TAB2: variants seen among roughly 807,000 people sequenced by gnomAD.
TAB2 encodes TGF-beta-activated kinase 1 and MAP3K7-binding protein 2.
Under a neutral mutation model 65.0 loss-of-function variants are expected in TAB2, and 3 were observed. The observed-to-expected ratio is 0.05, with a 90% CI of 0.02 to 0.12. The LOEUF is 0.12. Ranked by LOEUF, TAB2 falls within the 10% of genes least tolerant of loss-of-function variation. TAB2 has a pLI of 1.00. For synonymous variants in TAB2, 298 were observed against 285.1 expected, an observed-to-expected ratio of 1.05 and a Z score of -0.46; for missense variants, 623 against 840.3, an observed-to-expected ratio of 0.74 and a Z score of 3.20.
intron 1 of TAB2, among the ~76,000 whole-genome samples, chr6:149,330,786 G>A (rs1779758745): frequency 6.6e-6 from 1 of 152,074 alleles, no homozygotes; most frequent in African/African-American, 2.4e-5. Context: ...CTTTGATGAA[G>A]TTCATTTTGT....
At chr6:149,236,875 A>G (rs556499614) in intron 1 of TAB2, among the ~76,000 whole-genome samples, 3 of 152,340 alleles carry the variant, frequency 2.0e-5, no homozygotes, top group African/African-American at 7.2e-5. Flanking sequence ...GAGACCAGTC[A>G]GCCAGAAGCA....
intron 1 of TAB2, among the ~76,000 whole-genome samples, chr6:149,319,676 T>C (rs1309355868): frequency 6.6e-6 from 1 of 152,242 alleles, no homozygotes; most frequent in Non-Finnish European, 1.5e-5. Flanking sequence ...GGTGCTTAAG[T>C]TTTAAATCTT....
At chr6:149,399,316 G>A in intron 6 of TAB2, 132 bp downstream of exon 6, 1 of 700,034 alleles carries the variant, frequency 1.4e-6, no homozygotes. Flanking sequence ...TCATTAAGAA[G>A]ATGTTTGCTT....
chr6:149,275,264 G>C (rs1300712433), intron 1 of TAB2, among the ~76,000 whole-genome samples: 1 of 146,128 alleles, frequency 6.8e-6, no homozygotes, highest in Non-Finnish European at 1.5e-5. Context: ...AAGAAAGAAA[G>C]AAAGAAAGAA....
intron 1 of TAB2, among the ~76,000 whole-genome samples, chr6:149,369,278 T>C (rs1361497660): frequency 6.6e-6 from 1 of 152,148 alleles, no homozygotes; most frequent in Non-Finnish European, 1.5e-5. Flanking sequence ...CTTGGGATCT[T>C]TTAAAACTCC....
rs563902117 is a variant in TAB2 at position 149,384,071 on chromosome 6, G to A, written c.1603+4553G>A. ...CTTTTCTAAACTCTGAGTGGTATGG[G>A]TAAGAAAAAGAAAAGAAATATCTCG... On this transcript the variant is annotated intron_variant, in intron 3 of 6. Coordinates refer to ENST00000637181, the MANE Select transcript of TAB2 (RefSeq NM_001292034.3). Among the ~76,000 whole-genome samples the A allele has an allele frequency of 2.6e-5, 4 of 152,204 alleles. No homozygotes were observed. In the East Asian group the frequency reaches 7.7e-4, roughly 29 times the overall value.
chr6:149,384,165 G>A (rs1372953690), intron 3 of TAB2, among the ~76,000 whole-genome samples: 1 of 152,150 alleles, frequency 6.6e-6, no homozygotes, highest in African/African-American at 2.4e-5. Flanking sequence ...AAAATAAGTG[G>A]AGCCAGGCAC....
intron 2 of TAB2, among the ~76,000 whole-genome samples, chr6:149,374,266 G>A (rs1476047674): frequency 1.3e-5 from 2 of 152,174 alleles, no homozygotes; most frequent in African/African-American, 4.8e-5. Context: ...ACCCAGGCTG[G>A]AATGCAGCAG....
intron 3 of TAB2, among the ~76,000 whole-genome samples, chr6:149,394,854 G>C (rs1338472837): frequency 6.6e-6 from 1 of 152,242 alleles, no homozygotes; most frequent in Non-Finnish European, 1.5e-5. Flanking sequence ...TAGAGGGCCA[G>C]ATAGTAATCA....
At position 149,348,497 on chromosome 6, in the gene TAB2, G is replaced by A. The variant is rs577360412; in HGVS notation, c.-89-21412G>A. On this transcript the variant is annotated intron_variant, in intron 1 of 6. Coordinates refer to ENST00000637181, the MANE Select transcript of TAB2 (RefSeq NM_001292034.3). ...AATAGATAGGTCGAAACGTTCTGCC[G>A]TCCTATTTGGCATCCTGGAGAGGTT... is the stretch of plus-strand genomic sequence containing the variant. Among the ~76,000 whole-genome samples the A allele has an allele frequency of 2.6e-4, 40 of 151,988 alleles. 1 individual carries two copies. In the South Asian group the frequency reaches 7.3e-3, roughly 28 times the overall value.
At chr6:149,334,387 T>C (rs66672129) in intron 1 of TAB2, among the ~76,000 whole-genome samples, 35,948 of 152,144 alleles carry the variant, frequency 0.24, 4,450 homozygotes, top group Non-Finnish European at 0.26. Context: ...CACTGTGAAA[T>C]ACAGTTTAGA....
chr6:149,364,888 T>C (rs1780989949), intron 1 of TAB2, among the ~76,000 whole-genome samples: 1 of 151,818 alleles, frequency 6.6e-6, no homozygotes, highest in South Asian at 2.1e-4. Context: ...TAACTTGCAG[T>C]CTGAGTGAGC....
chr6:149,308,190 C>G (rs496157), intron 1 of TAB2, among the ~76,000 whole-genome samples: 59,678 of 151,978 alleles, frequency 0.39, 12,832 homozygotes, highest in African/African-American at 0.58. Context: ...CTTTGACACA[C>G]ATCTTCAAAT....
intron 1 of TAB2, among the ~76,000 whole-genome samples, chr6:149,241,904 C>T (rs1365124004): frequency 6.6e-6 from 1 of 152,174 alleles, no homozygotes; most frequent in Non-Finnish European, 1.5e-5. Context: ...CAGCCCGTGC[C>T]TCCTCTCTCT....
intron 1 of TAB2, among the ~76,000 whole-genome samples, chr6:149,349,571 G>T (rs1014223611): frequency 3.3e-5 from 5 of 152,106 alleles, no homozygotes; most frequent in Non-Finnish European, 5.9e-5. Context: ...TTCATATGCT[G>T]CTTGTTTTAG....
intron 1 of TAB2, among the ~76,000 whole-genome samples, chr6:149,238,878 G>C (rs952156655): frequency 6.6e-6 from 1 of 152,204 alleles, no homozygotes; most frequent in Non-Finnish European, 1.5e-5. Context: ...CATCTTAGAC[G>C]ACAGAGCCTT....
chr6:149,374,195 T>G (rs1270447086), intron 2 of TAB2, among the ~76,000 whole-genome samples: 1 of 152,132 alleles, frequency 6.6e-6, no homozygotes, highest in Non-Finnish European at 1.5e-5. Flanking sequence ...CAAGGAAGAA[T>G]TGCTGCTAAG....
rs1464954064 is a variant in TAB2, at chr6:149,378,697, C to T, written c.782C>T (p.Ala261Val). The T allele has an allele frequency of 1.9e-6, 3 of 1,613,884 alleles. No homozygotes were observed. Among genetic ancestry groups the T allele is most frequent in the Non-Finnish European group, 2.5e-6 (3 of 1,180,028 alleles). Residue 261 changes from alanine (A) to valine (V), a missense_variant, in exon 3 of 7, where the codon GCA (alanine) becomes GTA (valine). Coordinates refer to ENST00000637181, the MANE Select transcript of TAB2 (RefSeq NM_001292034.3). ...CCTGGTCCCTGGACTACTTGTCCTG[C>T]ATCTAATCCTCTGTCACATACCTCA... ...SQPGPWTTCP[A>V]SNPLSHTSSQ... is the part of the protein sequence containing the mutation.
intron 5 of TAB2, among the ~76,000 whole-genome samples, 195 bp downstream of exon 5, chr6:149,398,257 G>A (rs1050224212): frequency 2.6e-5 from 4 of 152,132 alleles, no homozygotes; most frequent in Non-Finnish European, 5.9e-5. Context: ...ATAAAATATA[G>A]AAGATAGTAA....
Sources: gnomAD v4.1 joint callset for allele counts (sites outside exome capture counted in the v4.1 genomes callset) on GRCh38, gnomAD v4.1.1 for gene constraint, MANE v1.5 for transcripts, NCBI Gene and HGNC (gene_info 2026-07-23, HGNC 2026-07-21) for gene names.